Variants in EYA1 observed in about 807,000 individuals in gnomAD.
The protein encoded by EYA1 is EYA transcriptional coactivator and phosphatase 1.
In EYA1, 16 loss-of-function variants were observed where a neutral mutation model predicts 82.0. The ratio of observed to expected loss-of-function variants is 0.20; its 90% CI spans 0.13 to 0.30. EYA1 has a LOEUF of 0.30. Ranked by LOEUF, EYA1 falls within the 10% of genes least tolerant of loss-of-function variation. The pLI is 1.00. For synonymous variants in EYA1, 261 were observed against 264.4 expected (o/e 0.99, Z 0.12); for missense variants, 633 against 730.7 (o/e 0.87, Z 1.54).
intron 11 of EYA1, among the ~76,000 whole-genome samples, chr8:71,254,023 T>A (rs1814070626): frequency 6.6e-6 from 1 of 152,088 alleles, no homozygotes; most frequent in Non-Finnish European, 1.5e-5. Context: ...CTACAGATAT[T>A]TGATTCAGAT....
chr8:71,248,627 C>G (rs918011641), intron 11 of EYA1, among the ~76,000 whole-genome samples: 2 of 152,168 alleles, frequency 1.3e-5, no homozygotes, highest in Non-Finnish European at 2.9e-5. Context: ...CCATCTCACC[C>G]TGAGTGTTTT....
intron 11 of EYA1, among the ~76,000 whole-genome samples, chr8:71,259,754 G>A (rs1308290603): frequency 2.0e-5 from 3 of 152,098 alleles, no homozygotes; most frequent in Non-Finnish European, 4.4e-5. Flanking sequence ...TATCTCTTTT[G>A]GGGCTTTTAG....
intron 2 of EYA1, among the ~76,000 whole-genome samples, chr8:71,487,288 A>T (rs1254646942): frequency 6.6e-6 from 1 of 152,148 alleles, no homozygotes; most frequent in Non-Finnish European, 1.5e-5. Context: ...TAACATTCTC[A>T]GGCTCAGTTT....
At chr8:71,411,959 G>T (rs1385174291) in intron 2 of EYA1, among the ~76,000 whole-genome samples, 1 of 151,590 alleles carries the variant, frequency 6.6e-6, no homozygotes, top group East Asian at 1.9e-4. Context: ...ATTCACAATA[G>T]CAAAGACTTG....
At chr8:71,222,728 T>C (rs1227418487) in intron 12 of EYA1, among the ~76,000 whole-genome samples, 1 of 152,194 alleles carries the variant, frequency 6.6e-6, no homozygotes, top group Non-Finnish European at 1.5e-5. Context: ...AAAATAAAGA[T>C]TCAGAAAAGC....
At chr8:71,492,466 T>C (rs546000977) in intron 2 of EYA1, among the ~76,000 whole-genome samples, 4 of 115,260 alleles carry the variant, frequency 3.5e-5, no homozygotes, top group African/African-American at 1.3e-4. Flanking sequence ...TTATTTATTA[T>C]TATTTTTTTT....
intron 3 of EYA1, among the ~76,000 whole-genome samples, chr8:71,339,522 C>T (rs546885235): frequency 3.3e-4 from 50 of 152,128 alleles, no homozygotes; most frequent in Non-Finnish European, 3.5e-4. Flanking sequence ...ACGTTCCTTA[C>T]GCTCCCGAGA....
intron 2 of EYA1, among the ~76,000 whole-genome samples, chr8:71,401,581 G>A (rs1032786895): frequency 6.6e-6 from 1 of 152,214 alleles, no homozygotes; most frequent in African/African-American, 2.4e-5. Flanking sequence ...TGGCATAGTG[G>A]TTAAGAGTAG....
At chr8:71,263,147 C>T (rs990300921) in intron 11 of EYA1, among the ~76,000 whole-genome samples, 2 of 152,104 alleles carry the variant, frequency 1.3e-5, no homozygotes, top group Non-Finnish European at 2.9e-5. Context: ...AAAACCCATT[C>T]TCTGTTTCTT....
At chr8:71,441,769 A>G (rs750404494) in intron 2 of EYA1, among the ~76,000 whole-genome samples, 9 of 152,212 alleles carry the variant, frequency 5.9e-5, no homozygotes, top group Non-Finnish European at 1.2e-4. Context: ...AAATTTGTAC[A>G]TTATAACTTT....
intron 2 of EYA1, among the ~76,000 whole-genome samples, chr8:71,510,594 C>G (rs1046270186): frequency 2.6e-5 from 4 of 152,186 alleles, no homozygotes; most frequent in Non-Finnish European, 5.9e-5. Flanking sequence ...ACCAACAGAT[C>G]TGGTGAGAAT....
In EYA1 at chr8:71,272,621, C is replaced by A. The variant is rs576102065; in HGVS notation, c.827-724G>T. On this transcript the variant is annotated intron_variant, in intron 9 of 17. Coordinates refer to ENST00000340726, the MANE Select transcript of EYA1 (RefSeq NM_000503.6). ...AGAAACCACAAAATAAAGAACAACC[C>A]CCAAAAGGCTCAAAGGAAGAGTCGG... Among the ~76,000 whole-genome samples the A allele has an allele frequency of 2.0e-5, 3 of 152,236 alleles. No homozygotes were observed. In the South Asian group the frequency reaches 6.2e-4, roughly 32 times the overall value.
intron 2 of EYA1, among the ~76,000 whole-genome samples, chr8:71,463,935 G>A (rs1188285970): frequency 1.3e-5 from 2 of 151,898 alleles, no homozygotes; most frequent in African/African-American, 4.8e-5. Context: ...ACATTCCTCT[G>A]TAGAGTTAAA....
chr8:71,324,185 T>C (rs998488988), intron 4 of EYA1, among the ~76,000 whole-genome samples: 1 of 152,222 alleles, frequency 6.6e-6, no homozygotes, highest in Non-Finnish European at 1.5e-5. Flanking sequence ...CTTTTTTCTT[T>C]CTTTTTAACA....
At chr8:71,204,589 C>T (rs576976734) in intron 17 of EYA1, among the ~76,000 whole-genome samples, 1 of 152,252 alleles carries the variant, frequency 6.6e-6, no homozygotes, top group East Asian at 1.9e-4. Flanking sequence ...GATGCAGTCA[C>T]TTAAAAGCAT....
intron 7 of EYA1, among the ~76,000 whole-genome samples, chr8:71,306,614 G>A (rs1238707384): frequency 6.6e-6 from 1 of 152,046 alleles, no homozygotes; most frequent in East Asian, 1.9e-4. Flanking sequence ...TTTAGGATGT[G>A]ATCACTGCTA....
intron 1 of EYA1, among the ~76,000 whole-genome samples, chr8:71,360,634 G>A (rs1268834534): frequency 6.6e-6 from 1 of 152,176 alleles, no homozygotes; most frequent in Non-Finnish European, 1.5e-5. Flanking sequence ...TAATGCAAAA[G>A]CATGACTGTA....
intron 2 of EYA1, among the ~76,000 whole-genome samples, chr8:71,481,198 T>G (rs1419747099): frequency 1.3e-5 from 2 of 152,186 alleles, no homozygotes; most frequent in African/African-American, 4.8e-5. Context: ...ATTTACAAAG[T>G]AGTAACATAA....
intron 3 of EYA1, among the ~76,000 whole-genome samples, chr8:71,339,352 G>A (rs1025447960): frequency 6.6e-6 from 1 of 152,086 alleles, no homozygotes; most frequent in Non-Finnish European, 1.5e-5. Context: ...TTCTGCTGCT[G>A]TTCCAGATGG....
Sources: gnomAD v4.1 joint callset for allele counts (sites outside exome capture counted in the v4.1 genomes callset) on GRCh38, gnomAD v4.1.1 for gene constraint, MANE v1.5 for transcripts, NCBI Gene and HGNC (gene_info 2026-07-23, HGNC 2026-07-21) for gene names.